Variants in CNTNAP2 observed in about 807,000 individuals in gnomAD.
CNTNAP2 encodes contactin associated protein 2, also known as contactin-associated protein-like 2.
In CNTNAP2, 98 loss-of-function variants were observed where a neutral mutation model predicts 155.2. That is an observed-to-expected ratio of 0.63 (90% CI 0.54 to 0.75). CNTNAP2 has a LOEUF of 0.75. Ranked by LOEUF, CNTNAP2 falls within the 30% of genes least tolerant of loss-of-function variation. The probability of loss-of-function intolerance (pLI) is 0.00; values close to 1 mark genes in which losing one functional copy is unlikely to be tolerated. For missense variants in CNTNAP2, 1,727 were observed against 1,688.1 expected (o/e 1.02, Z -0.40); for synonymous variants, 651 against 631.2 (o/e 1.03, Z -0.47).
intron 13 of CNTNAP2, among the ~76,000 whole-genome samples, chr7:147,787,278 G>T (rs914071095): frequency 2.6e-5 from 4 of 152,182 alleles, no homozygotes; most frequent in Non-Finnish European, 5.9e-5. Flanking sequence ...AGGAGTCCCA[G>T]GCAATTTGGT....
intron 8 of CNTNAP2, among the ~76,000 whole-genome samples, chr7:147,285,024 A>T (rs887017610): frequency 1.3e-5 from 2 of 151,896 alleles, no homozygotes; most frequent in African/African-American, 4.8e-5. Flanking sequence ...CATCCTTTGA[A>T]TAAAAGTTAA....
At chr7:146,482,222 A>AAC (rs1796971266) in intron 1 of CNTNAP2, among the ~76,000 whole-genome samples, 1 of 150,968 alleles carries the variant, frequency 6.6e-6, no homozygotes, top group Non-Finnish European at 1.5e-5. Flanking sequence ...AAAAAAAAAA[A>AAC]AAAACTCCAG....
chr7:146,327,922 T>C (rs751498616), intron 1 of CNTNAP2, among the ~76,000 whole-genome samples: 3 of 152,176 alleles, frequency 2.0e-5, no homozygotes, highest in Non-Finnish European at 4.4e-5. Context: ...TAGTATCTGT[T>C]AGAGGAAAGA....
intron 10 of CNTNAP2, among the ~76,000 whole-genome samples, chr7:147,477,846 C>T (rs1034361357): frequency 2.0e-5 from 3 of 152,082 alleles, no homozygotes; most frequent in Non-Finnish European, 2.9e-5. Flanking sequence ...GAGTTTACAC[C>T]GTAGGTACTC....
chr7:146,263,811 C>G (rs1799955745), intron 1 of CNTNAP2, among the ~76,000 whole-genome samples: 1 of 152,170 alleles, frequency 6.6e-6, no homozygotes, highest in African/African-American at 2.4e-5. Flanking sequence ...ATAGAAACAT[C>G]TCAATGTTCA....
intron 1 of CNTNAP2, among the ~76,000 whole-genome samples, chr7:146,706,917 T>TAAAAAAAAA (rs778959277): frequency 7.9e-6 from 1 of 126,754 alleles, no homozygotes. Context: ...ACTTAAAAGT[T>TAAAAAAAAA]AAAAAAAAAA....
At chr7:147,836,060 G>T (rs1798628162) in intron 13 of CNTNAP2, among the ~76,000 whole-genome samples, 1 of 152,162 alleles carries the variant, frequency 6.6e-6, no homozygotes, top group African/African-American at 2.4e-5. Context: ...CATCAAGTTT[G>T]TGGTCAGTTG....
intron 11 of CNTNAP2, among the ~76,000 whole-genome samples, chr7:147,544,946 C>T (rs964673493): frequency 3.3e-5 from 5 of 152,090 alleles, no homozygotes; most frequent in Admixed American, 1.3e-4. Context: ...GTCCATTAAA[C>T]CTCTTTCCTT....
intron 10 of CNTNAP2, among the ~76,000 whole-genome samples, chr7:147,418,816 C>A (rs944575353): frequency 1.4e-4 from 21 of 152,160 alleles, no homozygotes; most frequent in African/African-American, 5.1e-4. Flanking sequence ...TACTTTACTG[C>A]AAGTTAGGAT....
chr7:147,065,149 C>G (rs183967339), intron 4 of CNTNAP2, among the ~76,000 whole-genome samples: 2 of 152,074 alleles, frequency 1.3e-5, no homozygotes, highest in Admixed American at 6.5e-5. Context: ...AGCTATGAAG[C>G]CTTAAGCAAG....
chr7:147,380,709 T>C (rs1796520475), intron 9 of CNTNAP2, among the ~76,000 whole-genome samples: 1 of 152,146 alleles, frequency 6.6e-6, no homozygotes, highest in Admixed American at 6.6e-5. Flanking sequence ...TTGAAGTTAA[T>C]ATCAAATTAA....
intron 1 of CNTNAP2, among the ~76,000 whole-genome samples, chr7:146,480,845 G>A (rs1417731575): frequency 1.3e-5 from 2 of 151,596 alleles, no homozygotes; most frequent in Non-Finnish European, 2.9e-5. Context: ...ACCGCGCCCG[G>A]CTAATTTTTT....
intron 13 of CNTNAP2, among the ~76,000 whole-genome samples, chr7:147,678,074 A>C (rs972076000): frequency 2.6e-5 from 4 of 151,882 alleles, no homozygotes; most frequent in Non-Finnish European, 5.9e-5. Flanking sequence ...CAAATAATTG[A>C]TAACCTAAAC....
At chr7:148,313,925 A>G (rs998995345) in intron 21 of CNTNAP2, among the ~76,000 whole-genome samples, 5 of 152,208 alleles carry the variant, frequency 3.3e-5, no homozygotes, top group Non-Finnish European at 5.9e-5. Context: ...GATTTGGGAT[A>G]AGGAAAAGGA....
intron 15 of CNTNAP2, among the ~76,000 whole-genome samples, chr7:148,101,419 A>G (rs897017916): frequency 6.6e-6 from 1 of 151,056 alleles, no homozygotes; most frequent in Middle Eastern, 3.4e-3. Flanking sequence ...TAGAAGGTAA[A>G]AGATTAAGGA....
At chr7:147,161,642 G>T (rs1313213499) in intron 8 of CNTNAP2, 1 of 150,940 alleles carries the variant, frequency 6.6e-6, no homozygotes, top group Admixed American at 6.6e-5. Flanking sequence ...CATAGGGTAC[G>T]CTGGCATCTT....
At chr7:148,252,333 C>T (rs543797848) in intron 20 of CNTNAP2, among the ~76,000 whole-genome samples, 83 of 152,288 alleles carry the variant, frequency 5.5e-4, no homozygotes, top group African/African-American at 1.8e-3. Context: ...TGAACTAATT[C>T]GTCAGCCCCT....
intron 1 of CNTNAP2, among the ~76,000 whole-genome samples, chr7:146,499,745 G>C (rs1009677485): frequency 7.2e-5 from 11 of 152,094 alleles, no homozygotes; most frequent in African/African-American, 2.7e-4. Context: ...TCCAGGATTA[G>C]CTTTCTAATT....
intron 1 of CNTNAP2, among the ~76,000 whole-genome samples, chr7:146,599,828 A>G (rs1018805230): frequency 9.6e-6 from 1 of 104,504 alleles, no homozygotes. Context: ...TACAATGCCT[A>G]GAATATAAGA....
Sources: allele counts gnomAD v4.1 joint callset (sites outside exome capture counted in the v4.1 genomes callset), GRCh38; gene constraint gnomAD v4.1.1; transcripts MANE v1.5; gene names NCBI Gene and HGNC (gene_info 2026-07-23, HGNC 2026-07-21).